SKOR2: variants seen among roughly 807,000 people sequenced by gnomAD.
SKOR2 encodes SKI family transcriptional corepressor 2.
SKOR2 carries 47 observed loss-of-function variants against 69.1 expected under a neutral mutation model. The ratio of observed to expected loss-of-function variants is 0.68; its 90% CI spans 0.54 to 0.87. The LOEUF (loss-of-function observed/expected upper bound fraction) is 0.87, where lower values mean the gene tolerates loss of function less well. Ranked by LOEUF, SKOR2 falls within the 40% of genes least tolerant of loss-of-function variation. The pLI, the probability that SKOR2 is intolerant of heterozygous loss-of-function variation, is 0.00. For synonymous variants in SKOR2, 717 were observed against 672.6 expected (o/e 1.07, Z -1.02); for missense variants, 1,404 against 1,472.2 (o/e 0.95, Z 0.76).
In SKOR2 at chr18:47,244,934, C is replaced by G. The variant is rs932119992; in HGVS notation, c.2726G>C (p.Gly909Ala). 1 of 1,535,918 alleles carries G rather than the reference C, an allele frequency of 6.5e-7. No individual in the cohort carries two copies. Among genetic ancestry groups the G allele is most frequent in the Middle Eastern group, 1.7e-4 (1 of 5,990 alleles). ...TGATCTTTCTCTCCAAAAATCTCCTCCAGAAGCATCAGAGTCTGTGATGAA... is the reference window on the plus strand; with the variant it reads ...TGATCTTTCTCTCCAAAAATCTCCTGCAGAAGCATCAGAGTCTGTGATGAA... ...SFFITDSDAS[G>A]GDFWRERSGE... The change falls in exon 4 of 9, where the codon GGA (glycine) becomes GCA (alanine). Residue 909 changes from glycine to alanine, a missense_variant. By Grantham distance (60) the Gly-to-Ala change is moderately conservative (BLOSUM62 0). Transcript: ENST00000425639.
At chr18:47,231,077 A>C (rs988672397) in intron 4 of SKOR2, 77 bp from the exon 5 acceptor site, 66 of 1,534,992 alleles carry the variant, frequency 4.3e-5, no homozygotes, top group Non-Finnish European at 5.6e-5. Context: ...TTTTCTTTTA[A>C]TATCTGCAAA....
At position 47,245,522 on chromosome 18, in the gene SKOR2, T is replaced by C. The variant is rs1236560936; in HGVS notation, c.2653A>G (p.Thr885Ala). The change falls in exon 3 of 9, where the codon ACA becomes GCA. Residue 885 changes from threonine (T) to alanine (A), a missense_variant. Physicochemically the swap from Thr to Ala is moderately conservative, Grantham distance 58. This residue lies in a region of SKOR2 where 1,266 missense variants were observed against 1,309.9 expected (regional missense o/e 0.97). Transcript: ENST00000425639. The part of the protein sequence containing the change: ...TKENNQVIVS[T>A]KDDNSFSDKN... Reference sequence around the variant, plus strand: ...CCTGAAAAGCTGTTGTCATCCTTTGTAGATACAATTACTTGGTTATTTTCC... The same window carrying C: ...CCTGAAAAGCTGTTGTCATCCTTTGCAGATACAATTACTTGGTTATTTTCC... 1 of 1,402,046 alleles carries C rather than the reference T, an allele frequency of 7.1e-7. No individual in the cohort carries two copies. Among genetic ancestry groups the C allele is most frequent in the African/African-American group, 1.6e-5 (1 of 63,044 alleles). The allele number at this position is 1,402,046 out of a possible 1,614,324, so 86.9% of individuals were successfully genotyped here.
In SKOR2 at chr18:47,246,993, T is replaced by A; in HGVS notation, c.2191A>T (p.Ser731Cys). 6.7e-7 allele frequency: 1 copy of A among 1,497,424 alleles called. No individual in the cohort carries two copies. The highest frequency in any genetic ancestry group is 8.9e-7 in the Non-Finnish European group (1 of 1,129,686). The allele number at this position is 1,497,424 out of a possible 1,614,324, so 92.8% of individuals were successfully genotyped here. ...TCCTCGTCGTCCTCGTCCTCGGAGC[T>A]GTCCTCGCTGGGGTAGCAGCAGCTG... ...GTSCCYPSED[S>C]SEDEDDEEEE... Residue 731 changes from serine to cysteine, a missense_variant, in exon 2 of 9, where the codon AGC becomes TGC. Transcript: ENST00000425639.
intron 4 of SKOR2, chr18:47,234,420 AT>A (rs1441061293): frequency 6.6e-6 from 1 of 152,074 alleles, no homozygotes; most frequent in Non-Finnish European, 1.5e-5. Context: ...TATCCCCTAT[AT>A]TTCCCTCACC....
At chr18:47,245,690 G>A in intron 2 of SKOR2, 129 bp from the exon 3 acceptor site, 2 of 761,668 alleles carry the variant, frequency 2.6e-6, no homozygotes, top group Non-Finnish European at 3.9e-6. Context: ...ATTTTTTGAC[G>A]ATTATTCTTT....
chr18:47,228,713 T>C (rs543183768), intron 6 of SKOR2, among the ~76,000 whole-genome samples: 1 of 152,332 alleles, frequency 6.6e-6, no homozygotes, highest in South Asian at 2.1e-4. Context: ...TGTGCAGTCT[T>C]TCTTAAGATA....
intron 8 of SKOR2, among the ~76,000 whole-genome samples, chr18:47,211,869 G>A (rs904806788): frequency 3.3e-5 from 5 of 152,148 alleles, no homozygotes; most frequent in South Asian, 2.1e-4. Flanking sequence ...AGAATTTTTA[G>A]TTATAGGAAT....
At chr18:47,209,832 C>T (rs762454384) in intron 8 of SKOR2, among the ~76,000 whole-genome samples, 6 of 152,136 alleles carry the variant, frequency 3.9e-5, no homozygotes, top group African/African-American at 7.2e-5. Flanking sequence ...CTGGGCATGG[C>T]TGTAATCTCA....
chr18:47,250,367 A>G (rs541196529), intron 1 of SKOR2, among the ~76,000 whole-genome samples: 1 of 152,374 alleles, frequency 6.6e-6, no homozygotes, highest in Admixed American at 6.5e-5. Flanking sequence ...TTGAAAATAC[A>G]GAACAAGGAA....
chr18:47,248,654 C>G lies in SKOR2; in HGVS notation c.530G>C (p.Cys177Ser). Residue 177 changes from cysteine (C) to serine (S), a missense_variant, in exon 2 of 9, where the codon TGC (cysteine) becomes TCC (serine). Physicochemically the swap from Cys to Ser is moderately radical, Grantham distance 112. Coordinates refer to ENST00000425639, the MANE Select transcript of SKOR2 (RefSeq NM_001278063.4). The surrounding 1 kb of genome is among the most constrained non-coding windows in gnomAD (Gnocchi z 6.4). ...CTTGTTGGGCGAGAAGTACATGTTG[C>G]AGTAGCTGCATTTGATGCACTTGGC... ...SRAKCIKCSYCNMYFSPNKFI... is the reference protein window; with the variant it reads ...SRAKCIKCSYSNMYFSPNKFI... The G allele has an allele frequency of 6.4e-7, 1 of 1,565,814 alleles. No individual in the cohort carries two copies.
chr18:47,232,816 T>C (rs1194178675), intron 4 of SKOR2, among the ~76,000 whole-genome samples: 1 of 152,252 alleles, frequency 6.6e-6, no homozygotes, highest in Non-Finnish European at 1.5e-5. Context: ...ATCTCCTTAC[T>C]ATTTATTTCC....
At chr18:47,223,961 C>T (rs1052454090) in intron 6 of SKOR2, among the ~76,000 whole-genome samples, 7 of 151,180 alleles carry the variant, frequency 4.6e-5, no homozygotes, top group East Asian at 2.0e-4. Context: ...GCTGGAGTGC[C>T]GTGGCATGAT....
intron 4 of SKOR2, among the ~76,000 whole-genome samples, chr18:47,234,123 G>A (rs1043168729): frequency 1.3e-5 from 2 of 152,120 alleles, no homozygotes; most frequent in Non-Finnish European, 2.9e-5. Context: ...TGCCTTTTGT[G>A]TATCTTTTAC....
chr18:47,248,259 G>C lies in SKOR2; in HGVS notation c.925C>G (p.Pro309Ala). Residue 309 changes from proline (P) to alanine (A), a missense_variant, in exon 2 of 9, where the codon CCG becomes GCG. Around this residue, in one of 3 missense-constraint regions of SKOR2, gnomAD observed 1,266 missense variants for 1,309.9 expected, o/e 0.97. Transcript: ENST00000425639. The surrounding 1 kb of genome is among the most constrained non-coding windows in gnomAD (Gnocchi z 6.4). ...GAGTCGTCGTCGTCGTCGAAGCGCG[G>C]CCGCTTGTGATGGGCGTGCGGGGCA... Reference protein sequence around the residue: ...AGAPHAHHKRPRFDDDDDSLQ... With the variant: ...AGAPHAHHKRARFDDDDDSLQ... The C allele has an allele frequency of 8.2e-7, 1 of 1,221,390 alleles. No individual in the cohort carries two copies. The highest frequency in any genetic ancestry group is 1.0e-6 in the Non-Finnish European group (1 of 983,170). 75.7% of individuals were successfully genotyped at this position (1,221,390 alleles called of 1,614,324 possible).
chr18:47,224,288 G>A (rs946771963), intron 6 of SKOR2, among the ~76,000 whole-genome samples: 1 of 152,186 alleles, frequency 6.6e-6, no homozygotes, highest in East Asian at 1.9e-4. Flanking sequence ...CTTCTGTAAT[G>A]AGAATCACTT....
In SKOR2 at chr18:47,247,970, A is replaced by C; in HGVS notation, c.1214T>G (p.Phe405Cys). The C allele has an allele frequency of 7.3e-7, 1 of 1,374,390 alleles. No homozygotes were observed. The highest frequency in any genetic ancestry group is 1.7e-5 in the South Asian group (1 of 58,992). The allele number at this position is 1,374,390 out of a possible 1,614,324, so 85.1% of individuals were successfully genotyped here. A position where few individuals can be genotyped will look rare whatever the true frequency, so the allele number is the denominator to read the frequency against. ...LQKFPGCGGLFPHPYTFPAAA... is the reference protein window; with the variant it reads ...LQKFPGCGGLCPHPYTFPAAA... ...GGCAGGGAAGGTGTAGGGGTGCGGG[A>C]AGAGCCCGCCGCAGCCCGGGAACTT... Residue 405 changes from phenylalanine (F) to cysteine (C), a missense_variant, in exon 2 of 9, where the codon TTC (phenylalanine) becomes TGC (cysteine). Transcript: ENST00000425639. This position sits in a 1 kb window ranked among gnomAD's most constrained non-coding sequence, Gnocchi z 6.6.
intron 4 of SKOR2, among the ~76,000 whole-genome samples, chr18:47,237,579 T>C (rs1052363137): frequency 3.3e-5 from 5 of 152,214 alleles, no homozygotes; most frequent in Non-Finnish European, 7.3e-5. Flanking sequence ...GGGTATACCA[T>C]GTATATGGGG....
intron 7 of SKOR2, among the ~76,000 whole-genome samples, chr18:47,214,279 A>C (rs1212242854): frequency 6.6e-6 from 1 of 152,172 alleles, no homozygotes; most frequent in African/African-American, 2.4e-5. Context: ...ATAACACAGC[A>C]TTTCATTAAG....
At position 47,233,719 on chromosome 18, in the gene SKOR2, T is replaced by C. The variant is rs1484902767; in HGVS notation, c.2753-2719A>G. 4.6e-5 allele frequency among the ~76,000 whole-genome samples: 7 copies of C among 152,358 alleles called. No homozygotes were observed. The East Asian group carries it at 1.3e-3, about 29-fold the overall frequency. ...TATAGACCAGATTCCTTTTGACTCATTAGTATATTTTGTGGACTGTTTATC... is the reference window on the plus strand; with the variant it reads ...TATAGACCAGATTCCTTTTGACTCACTAGTATATTTTGTGGACTGTTTATC... On this transcript the variant is annotated intron_variant, in intron 4 of 8. Coordinates refer to ENST00000425639, the MANE Select transcript of SKOR2 (RefSeq NM_001278063.4).
Sources: gnomAD v4.1 joint callset for allele counts (sites outside exome capture counted in the v4.1 genomes callset) on GRCh38, gnomAD v4.1.1 for gene constraint, gnomAD v4.1.1 regional missense constraint, Gnocchi (gnomAD v3.1) non-coding constraint, MANE v1.5 for transcripts, NCBI Gene and HGNC (gene_info 2026-07-23, HGNC 2026-07-21) for gene names.